Variants in EXOC4 observed in about 807,000 individuals in gnomAD.
The protein encoded by EXOC4 is SEC8-like 1.
In EXOC4, 71 loss-of-function variants were observed where a neutral mutation model predicts 107.2. The observed-to-expected ratio is 0.66, with a 90% confidence interval of 0.55 to 0.81. The LOEUF is 0.81. Ranked by LOEUF, EXOC4 falls within the 30% of genes least tolerant of loss-of-function variation. EXOC4 has a pLI of 0.00. For missense variants in EXOC4, 1,108 were observed against 1,189.6 expected (o/e 0.93, Z 1.01); for synonymous variants, 456 against 441.2 (o/e 1.03, Z -0.42).
chr7:134,002,710 G>A (rs909387910), intron 15 of EXOC4, among the ~76,000 whole-genome samples: 2 of 152,136 alleles, frequency 1.3e-5, no homozygotes, highest in Non-Finnish European at 2.9e-5. Context: ...AAGCACATGA[G>A]AATATGCTCA....
chr7:133,971,103 A>G (rs1425996235), intron 14 of EXOC4, among the ~76,000 whole-genome samples: 1 of 151,922 alleles, frequency 6.6e-6, no homozygotes, highest in Non-Finnish European at 1.5e-5. Flanking sequence ...CATTATGTGC[A>G]TCAGAGGCCC....
intron 5 of EXOC4, among the ~76,000 whole-genome samples, chr7:133,334,045 G>A (rs1795453369): frequency 6.6e-6 from 1 of 151,978 alleles, no homozygotes; most frequent in Non-Finnish European, 1.5e-5. Context: ...ACTCACTTAT[G>A]GTTATGTTAT....
chr7:133,969,284 C>T (rs1438840345), intron 14 of EXOC4, among the ~76,000 whole-genome samples: 1 of 151,694 alleles, frequency 6.6e-6, no homozygotes, highest in East Asian at 2.0e-4. Flanking sequence ...TGGGTTAGAA[C>T]ATGCTACTTT....
At chr7:133,346,688 T>A (rs1795790282) in intron 5 of EXOC4, among the ~76,000 whole-genome samples, 1 of 152,190 alleles carries the variant, frequency 6.6e-6, no homozygotes, top group Admixed American at 6.5e-5. Flanking sequence ...TTTTGAACAT[T>A]CCTTTTTATA....
intron 15 of EXOC4, among the ~76,000 whole-genome samples, chr7:134,002,155 A>G (rs1794545009): frequency 6.6e-6 from 1 of 152,150 alleles, no homozygotes; most frequent in Non-Finnish European, 1.5e-5. Flanking sequence ...ATTTGTGCCA[A>G]TTAGTACTTG....
chr7:133,627,484 T>C (rs919435008), intron 9 of EXOC4, among the ~76,000 whole-genome samples: 1 of 152,192 alleles, frequency 6.6e-6, no homozygotes, highest in African/African-American at 2.4e-5. Context: ...GATTATTACA[T>C]TATTTTTATG....
At chr7:133,928,134 A>G (rs1373208582) in intron 13 of EXOC4, among the ~76,000 whole-genome samples, 4 of 151,986 alleles carry the variant, frequency 2.6e-5, no homozygotes, top group Non-Finnish European at 4.4e-5. Context: ...ATTTTTTTCC[A>G]TTAAGGTGGA....
chr7:133,565,220 A>G (rs1004068822), intron 9 of EXOC4, among the ~76,000 whole-genome samples: 1 of 152,190 alleles, frequency 6.6e-6, no homozygotes, highest in African/African-American at 2.4e-5. Context: ...AGGGAAGACC[A>G]TAGGCTTAGT....
intron 17 of EXOC4, among the ~76,000 whole-genome samples, chr7:134,034,037 G>A (rs1010235070): frequency 3.9e-5 from 6 of 151,948 alleles, no homozygotes; most frequent in Admixed American, 3.9e-4. Context: ...TAAGCAAAGC[G>A]AGTAAATAAA....
intron 10 of EXOC4, among the ~76,000 whole-genome samples, chr7:133,816,125 G>T (rs2151214662): frequency 6.6e-6 from 1 of 152,256 alleles, no homozygotes; most frequent in African/African-American, 2.4e-5. Context: ...TATTTACACA[G>T]GGATTTCAGA....
intron 7 of EXOC4, among the ~76,000 whole-genome samples, chr7:133,392,381 G>T (rs1190244525): frequency 2.0e-5 from 3 of 152,108 alleles, no homozygotes; most frequent in Non-Finnish European, 4.4e-5. Flanking sequence ...CATCCCTCCT[G>T]GTGTTGTAGA....
At chr7:133,406,116 G>A (rs760945444) in intron 7 of EXOC4, among the ~76,000 whole-genome samples, 2 of 152,156 alleles carry the variant, frequency 1.3e-5, no homozygotes, top group African/African-American at 4.8e-5. Flanking sequence ...GAGCTCTTTT[G>A]TGCGTCTTAT....
Position 133,756,394 on chromosome 7 carries a change from A to G in EXOC4, c.1515-60931A>G, listed in dbSNP as rs528665632. The stretch of plus-strand genomic sequence containing the variant: ...ATTCACTTACCCTCTCTGATCTTTC[A>G]TTATCTCACCTGTAGAAAAGTGTTG... On this transcript the variant is annotated intron_variant, in intron 10 of 17. Transcript: ENST00000253861. Among the ~76,000 whole-genome samples the G allele has an allele frequency of 8.5e-5, 13 of 152,278 alleles. No homozygotes were observed. The East Asian group carries it at 2.5e-3, about 29-fold the overall frequency.
chr7:133,560,898 T>C (rs1800792453), intron 9 of EXOC4, among the ~76,000 whole-genome samples: 1 of 152,140 alleles, frequency 6.6e-6, no homozygotes, highest in African/African-American at 2.4e-5. Flanking sequence ...TGCATTCCCA[T>C]TTAAGTGAAA....
intron 10 of EXOC4, among the ~76,000 whole-genome samples, chr7:133,772,208 C>T (rs1796258287): frequency 6.6e-6 from 1 of 151,980 alleles, no homozygotes; most frequent in African/African-American, 2.4e-5. Flanking sequence ...ATGTACTCTG[C>T]ATTCCAGGCT....
At chr7:133,424,181 G>A (rs547051618) in intron 7 of EXOC4, among the ~76,000 whole-genome samples, 8 of 152,242 alleles carry the variant, frequency 5.3e-5, no homozygotes, top group Non-Finnish European at 1.0e-4. Flanking sequence ...CACCTTCCAC[G>A]CTCTGGTAGC....
At chr7:133,288,127 C>G (rs1794322838) in intron 2 of EXOC4, among the ~76,000 whole-genome samples, 1 of 152,124 alleles carries the variant, frequency 6.6e-6, no homozygotes, top group Non-Finnish European at 1.5e-5. Context: ...GAAAGTAGTT[C>G]TGTGAATTTT....
At chr7:133,494,418 C>G (rs1799433433) in intron 9 of EXOC4, among the ~76,000 whole-genome samples, 1 of 152,118 alleles carries the variant, frequency 6.6e-6, no homozygotes, top group African/African-American at 2.4e-5. Flanking sequence ...TTATGGATAT[C>G]ATTCCCCACA....
intron 14 of EXOC4, among the ~76,000 whole-genome samples, chr7:133,986,355 G>C (rs1324611031): frequency 6.6e-6 from 1 of 152,092 alleles, no homozygotes; most frequent in East Asian, 1.9e-4. Context: ...CATAGCAAAA[G>C]AACTTAAAAC....
Sources: gnomAD v4.1 joint callset for allele counts (sites outside exome capture counted in the v4.1 genomes callset) on GRCh38, gnomAD v4.1.1 for gene constraint, MANE v1.5 for transcripts, NCBI Gene and HGNC (gene_info 2026-07-23, HGNC 2026-07-21) for gene names.